ZNF354B: variants seen among roughly 807,000 people sequenced by gnomAD.
The protein encoded by ZNF354B is zinc finger protein 354B.
A neutral mutation model predicts 12.9 loss-of-function variants in ZNF354B; 10 were observed. That is an observed-to-expected ratio of 0.77 (90% CI 0.48 to 1.31). The LOEUF (loss-of-function observed/expected upper bound fraction) is 1.31. Ranked by LOEUF, ZNF354B falls within the 40% of genes most tolerant of loss-of-function variation. The pLI is 0.00. For synonymous variants in ZNF354B, 260 were observed against 243.7 expected, an observed-to-expected ratio of 1.07 and a Z score of -0.62; for missense variants, 614 against 711.7, an observed-to-expected ratio of 0.86 and a Z score of 1.56.
intron 4 of ZNF354B, among the ~76,000 whole-genome samples, chr5:178,876,512 A>T (rs143400289): frequency 2.0e-5 from 3 of 152,334 alleles, no homozygotes; most frequent in African/African-American, 7.2e-5. Flanking sequence ...GGGTCCCAGG[A>T]CGATGCATAT....
At chr5:178,871,006 C>T (rs1757554711) in intron 4 of ZNF354B, among the ~76,000 whole-genome samples, 2 of 152,270 alleles carry the variant, frequency 1.3e-5, no homozygotes, top group South Asian at 2.1e-4. Flanking sequence ...TTCTTGTTTG[C>T]CAGCAAAGAC....
chr5:178,868,985 A>G (rs1305167688), intron 4 of ZNF354B, among the ~76,000 whole-genome samples: 130 of 148,150 alleles, frequency 8.8e-4, no homozygotes, highest in African/African-American at 2.8e-3. Context: ...AAAAAAAAAA[A>G]AAGAATGGTG....
rs780164802 is a variant in ZNF354B at position 178,883,411 on chromosome 5, A to G, written c.959A>G (p.His320Arg). 1.2e-6 allele frequency: 2 copies of G among 1,614,124 alleles called. No homozygotes were observed. The highest frequency in any genetic ancestry group is 2.2e-5 in the East Asian group (1 of 44,870). ...RSGLFIHQKIHAQENPHKYNP... is the reference protein window; with the variant it reads ...RSGLFIHQKIRAQENPHKYNP... Reference sequence around the variant, plus strand: ...GGGCTTTTTATACATCAAAAAATCCATGCTCAAGAAAATCCCCATAAATAC... The same window carrying G: ...GGGCTTTTTATACATCAAAAAATCCGTGCTCAAGAAAATCCCCATAAATAC... The change falls in exon 5 of 5, where the codon CAT becomes CGT. Residue 320 changes from histidine to arginine, a missense_variant. Coordinates refer to ENST00000322434, the MANE Select transcript of ZNF354B (RefSeq NM_058230.3).
chr5:178,878,750 T>C (rs1218539341), intron 4 of ZNF354B, among the ~76,000 whole-genome samples: 2 of 152,216 alleles, frequency 1.3e-5, no homozygotes, highest in Non-Finnish European at 2.9e-5. Flanking sequence ...TTACCCAGGC[T>C]GGAGTGCAGT....
At chr5:178,861,366 C>T (rs1303826639) in intron 2 of ZNF354B, among the ~76,000 whole-genome samples, 2 of 152,234 alleles carry the variant, frequency 1.3e-5, no homozygotes, top group East Asian at 3.9e-4. Context: ...AACGTACACA[C>T]GTGGGAAAAA....
intron 2 of ZNF354B, among the ~76,000 whole-genome samples, chr5:178,865,133 A>G (rs564215217): frequency 6.6e-6 from 1 of 152,356 alleles, no homozygotes; most frequent in African/African-American, 2.4e-5. Context: ...TGCATTGTGC[A>G]GATGAACTTA....
In ZNF354B at chr5:178,883,080, G is replaced by T; in HGVS notation, c.628G>T (p.Ala210Ser). The change falls in exon 5 of 5, where the codon GCA becomes TCA. Residue 210 changes from alanine to serine, a missense_variant. Coordinates refer to ENST00000322434, the MANE Select transcript of ZNF354B (RefSeq NM_058230.3). ...ACTTAACCAATCAAAAATCAAAACA[G>T]CAGAGAAACGCTATAAATGCAGTAC... ...NLLNQSKIKT[A>S]EKRYKCSTCE... 1 of 1,606,930 alleles carries T rather than the reference G, an allele frequency of 6.2e-7. No homozygotes were observed. The highest frequency in any genetic ancestry group is 8.5e-7 in the Non-Finnish European group (1 of 1,178,196).
At chr5:178,869,593 T>C (rs184052632) in intron 4 of ZNF354B, among the ~76,000 whole-genome samples, 61 of 152,046 alleles carry the variant, frequency 4.0e-4, no homozygotes, top group Non-Finnish European at 1.5e-5. Context: ...GCTGAGTAAG[T>C]CTCCCCTCTA....
intron 4 of ZNF354B, among the ~76,000 whole-genome samples, chr5:178,879,984 G>C (rs948157499): frequency 6.8e-5 from 10 of 146,218 alleles, no homozygotes; most frequent in African/African-American, 2.6e-4. Flanking sequence ...AAATTAGCTG[G>C]GCGTGGTGGC....
At chr5:178,875,359 G>A (rs1213475119) in intron 4 of ZNF354B, among the ~76,000 whole-genome samples, 6 of 152,118 alleles carry the variant, frequency 3.9e-5, no homozygotes, top group African/African-American at 1.4e-4. Flanking sequence ...CAGTGCAGTC[G>A]GCCCAGGGTG....
At chr5:178,876,924 T>A (rs1363610956) in intron 4 of ZNF354B, among the ~76,000 whole-genome samples, 1 of 137,738 alleles carries the variant, frequency 7.3e-6, no homozygotes, top group Non-Finnish European at 1.6e-5. Flanking sequence ...TATTTTTTTA[T>A]GCCTTTTTTT....
chr5:178,867,356 C>T (rs1458515845), intron 4 of ZNF354B, among the ~76,000 whole-genome samples: 2 of 152,146 alleles, frequency 1.3e-5, no homozygotes, highest in African/African-American at 2.4e-5. Flanking sequence ...TTCAAATAAT[C>T]ACTCTGGCTG....
chr5:178,883,250 A>G lies in ZNF354B; in HGVS notation c.798A>G (p.Gly266=). 6.2e-7 allele frequency: 1 copy of G among 1,612,912 alleles called. No individual in the cohort carries two copies. Among genetic ancestry groups the G allele is most frequent in the Non-Finnish European group, 8.5e-7 (1 of 1,179,724 alleles). ...ALIQHQRTHT[G]EKPYICKECG... is the part of the protein sequence containing the mutation. ...TTCAACATCAAAGAACTCATACAGG[A>G]GAGAAACCCTATATATGTAAAGAAT... is the stretch of plus-strand genomic sequence containing the variant. The change falls in exon 5 of 5, where the codon GGA becomes GGG. Residue 266 remains glycine, a synonymous_variant. Coordinates refer to ENST00000322434, the MANE Select transcript of ZNF354B (RefSeq NM_058230.3).
chr5:178,870,832 T>G (rs2114015675), intron 4 of ZNF354B, among the ~76,000 whole-genome samples: 1 of 152,238 alleles, frequency 6.6e-6, no homozygotes, highest in Non-Finnish European at 1.5e-5. Flanking sequence ...GCATTTTACT[T>G]GTTTTTGTAG....
At chr5:178,872,544 T>C (rs760866073) in intron 4 of ZNF354B, among the ~76,000 whole-genome samples, 1 of 152,190 alleles carries the variant, frequency 6.6e-6, no homozygotes, top group Non-Finnish European at 1.5e-5. Context: ...GTAGGTTTAG[T>C]TTTTGAAGAC....
chr5:178,881,283 G>C (rs901291264), intron 4 of ZNF354B, among the ~76,000 whole-genome samples: 4 of 148,084 alleles, frequency 2.7e-5, no homozygotes, highest in Non-Finnish European at 6.0e-5. Flanking sequence ...TATGATGTCT[G>C]TTGGGTGGAG....
chr5:178,868,716 T>C (rs1482962638), intron 4 of ZNF354B, among the ~76,000 whole-genome samples: 1 of 152,158 alleles, frequency 6.6e-6, no homozygotes, highest in Non-Finnish European at 1.5e-5. Context: ...CTCACGCCTG[T>C]AATCCGAGCA....
chr5:178,869,995 A>G (rs945345390), intron 4 of ZNF354B, among the ~76,000 whole-genome samples: 2 of 152,096 alleles, frequency 1.3e-5, no homozygotes, highest in South Asian at 2.1e-4. Context: ...ATCTCAGATT[A>G]TTAACTCTAG....
intron 4 of ZNF354B, among the ~76,000 whole-genome samples, chr5:178,868,816 C>CA (rs1456224235): frequency 6.6e-6 from 1 of 151,914 alleles, no homozygotes; most frequent in East Asian, 1.9e-4. Context: ...ACTAAAAATA[C>CA]AAAAAATTAG....
Sources: gnomAD v4.1 joint callset for allele counts (sites outside exome capture counted in the v4.1 genomes callset) on GRCh38, gnomAD v4.1.1 for gene constraint, MANE v1.5 for transcripts, NCBI Gene and HGNC (gene_info 2026-07-23, HGNC 2026-07-21) for gene names.